The following PAM variants were observed in gnomAD, a reference collection of about 807,000 sequenced individuals.
PAM encodes the protein peptidylglycine alpha-amidating monooxygenase.
PAM carries 72 observed loss-of-function variants against 122.1 expected under a neutral mutation model. That is an observed-to-expected ratio of 0.59 (90% CI 0.49 to 0.72). The LOEUF (loss-of-function observed/expected upper bound fraction) is 0.72, where lower values mean the gene tolerates loss of function less well. Among genes scored for constraint, PAM ranks in the 30% least tolerant of loss-of-function variants. The pLI is 0.00. For synonymous variants in PAM, 389 were observed against 404.4 expected (o/e 0.96, Z 0.46); for missense variants, 1,106 against 1,183.7 (o/e 0.93, Z 0.96).
chr5:102,921,636 T>C (rs890748526), intron 5 of PAM, among the ~76,000 whole-genome samples: 4 of 152,182 alleles, frequency 2.6e-5, no homozygotes, highest in Non-Finnish European at 5.9e-5. Context: ...AAGCTCTTAT[T>C]TACCAGACCT....
chr5:102,829,856 G>C (rs1321386812), intron 1 of PAM, among the ~76,000 whole-genome samples: 3 of 152,050 alleles, frequency 2.0e-5, no homozygotes, highest in African/African-American at 7.2e-5. Flanking sequence ...ATATTATACA[G>C]ATCTTAGAGT....
intron 4 of PAM, among the ~76,000 whole-genome samples, chr5:102,902,342 A>G (rs1354663094): frequency 6.6e-6 from 1 of 151,594 alleles, no homozygotes; most frequent in African/African-American, 2.4e-5. Flanking sequence ...AGCAATGTGC[A>G]TTTTTTATTC....
At chr5:103,010,701 GTTATTT>G (rs1780343915) in intron 21 of PAM, among the ~76,000 whole-genome samples, 1 of 152,108 alleles carries the variant, frequency 6.6e-6, no homozygotes, top group Non-Finnish European at 1.5e-5. Flanking sequence ...ATAATGTTAT[GTTATTT>G]TTAAGATACC....
chr5:102,803,175 AAGGAAGGAAG>A (rs1765297540), intron 1 of PAM, among the ~76,000 whole-genome samples: 2 of 19,278 alleles, frequency 1.0e-4, no homozygotes, highest in African/African-American at 1.7e-4. Context: ...GGAAGGAAGG[AAGGAAGGAAG>A]GAAGGAAGGA....
intron 1 of PAM, among the ~76,000 whole-genome samples, chr5:102,766,388 G>A (rs1297801568): frequency 6.6e-6 from 1 of 152,146 alleles, no homozygotes; most frequent in African/African-American, 2.4e-5. Flanking sequence ...TTCTCATAAG[G>A]AGCTTGCAAC....
chr5:102,782,387 A>G (rs1468345052), intron 1 of PAM, among the ~76,000 whole-genome samples: 1 of 152,208 alleles, frequency 6.6e-6, no homozygotes, highest in Non-Finnish European at 1.5e-5. Context: ...CCCCAGAGGA[A>G]GGAGAGAAGA....
chr5:102,825,074 T>G (rs1443589655), intron 1 of PAM, among the ~76,000 whole-genome samples: 1 of 152,204 alleles, frequency 6.6e-6, no homozygotes, highest in Admixed American at 6.5e-5. Context: ...GCACTAATGT[T>G]ATGGTACCTT....
chr5:102,893,431 G>A (rs535430017), intron 3 of PAM, among the ~76,000 whole-genome samples: 1 of 151,722 alleles, frequency 6.6e-6, no homozygotes, highest in African/African-American at 2.4e-5. Flanking sequence ...GATTTATGTG[G>A]GAGAGGAATG....
intron 1 of PAM, among the ~76,000 whole-genome samples, chr5:102,780,872 T>A (rs1293707699): frequency 6.6e-6 from 1 of 150,830 alleles, no homozygotes; most frequent in Non-Finnish European, 1.5e-5. Context: ...TCTTTCTTTC[T>A]CCTTTCATAT....
chr5:102,917,284 C>A (rs1208088476), intron 5 of PAM, among the ~76,000 whole-genome samples: 1 of 152,160 alleles, frequency 6.6e-6, no homozygotes, highest in Non-Finnish European at 1.5e-5. Flanking sequence ...CAACAAAAAT[C>A]TATCAGTGTC....
chr5:102,767,895 A>T (rs1002802160), intron 1 of PAM, among the ~76,000 whole-genome samples: 4 of 152,144 alleles, frequency 2.6e-5, no homozygotes, highest in Non-Finnish European at 5.9e-5. Context: ...CACAGAGGTT[A>T]AAGTAGTTGG....
At chr5:102,929,503 G>A (rs1750706729) in intron 7 of PAM, among the ~76,000 whole-genome samples, 2 of 152,220 alleles carry the variant, frequency 1.3e-5, no homozygotes, top group South Asian at 2.1e-4. Flanking sequence ...AAAACTATTG[G>A]TGATATTTTA....
intron 1 of PAM, among the ~76,000 whole-genome samples, chr5:102,820,534 A>G (rs1771507922): frequency 6.6e-6 from 1 of 152,186 alleles, no homozygotes; most frequent in South Asian, 2.1e-4. Context: ...AAGATATTGG[A>G]AGCATAGGAA....
In PAM at chr5:102,866,182, G is replaced by C. The variant is rs771336806; in HGVS notation, c.-14G>C. 4 of 1,592,756 alleles carry C rather than the reference G, an allele frequency of 2.5e-6. No homozygotes were observed. The highest frequency in any genetic ancestry group is 3.3e-5 in the Admixed American group (2 of 59,958). ...TGCCCGGTCCTCTCCCGGCGGGGTC[G>C]TATCGGCGTGGACATGGCTGGCCGC... is the stretch of plus-strand genomic sequence containing the variant. On this transcript the variant is annotated 5_prime_UTR_variant, in exon 2 of 26. Transcript: ENST00000438793.
intron 1 of PAM, among the ~76,000 whole-genome samples, chr5:102,853,152 T>C (rs1561635923): frequency 6.6e-6 from 1 of 152,236 alleles, no homozygotes. Flanking sequence ...AACTTGAGGC[T>C]AAGACATATA....
At chr5:102,893,627 A>G (rs1013487075) in intron 3 of PAM, among the ~76,000 whole-genome samples, 6 of 151,770 alleles carry the variant, frequency 4.0e-5, no homozygotes, top group African/African-American at 1.4e-4. Context: ...CTTTTGTAGT[A>G]TATCACTTCA....
intron 16 of PAM, among the ~76,000 whole-genome samples, chr5:102,996,675 A>T (rs1480291139): frequency 6.6e-6 from 1 of 152,228 alleles, no homozygotes; most frequent in Non-Finnish European, 1.5e-5. Context: ...TCAACCAATC[A>T]TCTGAGTAAA....
At chr5:102,850,382 T>C (rs887566073) in intron 1 of PAM, among the ~76,000 whole-genome samples, 3 of 152,244 alleles carry the variant, frequency 2.0e-5, no homozygotes, top group Non-Finnish European at 4.4e-5. Flanking sequence ...TGCTGAGTAG[T>C]TGGAACATAA....
chr5:103,030,333 G>A (rs554842018), downstream of PAM: 4 of 152,274 alleles, frequency 2.6e-5, no homozygotes, highest in South Asian at 2.1e-4. Context: ...GTTTTAAAAC[G>A]TCTTTTTCGT....
Sources: gnomAD v4.1 joint callset for allele counts (sites outside exome capture counted in the v4.1 genomes callset) on GRCh38, gnomAD v4.1.1 for gene constraint, MANE v1.5 for transcripts, NCBI Gene and HGNC (gene_info 2026-07-23, HGNC 2026-07-21) for gene names.